DGKH: variants seen among roughly 807,000 people sequenced by gnomAD.
DGKH encodes the protein DAG kinase eta.
Under a neutral mutation model 159.3 loss-of-function variants are expected in DGKH, and 90 were observed. The observed-to-expected ratio is 0.57, with a 90% confidence interval of 0.48 to 0.67. DGKH has a LOEUF of 0.67. Among genes scored for constraint, DGKH ranks in the 30% least tolerant of loss-of-function variants. The pLI is 0.00. For missense variants in DGKH, 1,181 were observed against 1,506.1 expected (o/e 0.78, Z 3.57); for synonymous variants, 536 against 553.8 (o/e 0.97, Z 0.45).
At chr13:42,184,672 G>A (rs1956862088) in intron 13 of DGKH, among the ~76,000 whole-genome samples, 1 of 151,810 alleles carries the variant, frequency 6.6e-6, no homozygotes, top group African/African-American at 2.4e-5. Flanking sequence ...GACCAGCTGG[G>A]GCGACACAGA....
intron 1 of DGKH, among the ~76,000 whole-genome samples, chr13:42,065,733 G>A (rs1177700701): frequency 6.6e-6 from 1 of 151,992 alleles, no homozygotes; most frequent in East Asian, 1.9e-4. Context: ...GAGGAAGGAG[G>A]CCGGGGTCCC....
rs777053643 is a variant in DGKH, at chr13:42,206,083, C to T, written c.2538C>T (p.Ala846=). ...YIPLPSLQGI[A]VLNIPSYAGG... ...CTCTTCCCAGCTTGCAAGGCATAGC[C>T]GTGTTGAACATTCCCAGCTATGCTG... Residue 846 remains alanine (A), a synonymous_variant, in exon 21 of 30, where the codon GCC becomes GCT. Coordinates refer to ENST00000337343, the MANE Select transcript of DGKH (RefSeq NM_178009.5). The T allele has an allele frequency of 8.2e-6, 12 of 1,457,710 alleles. No individual in the cohort carries two copies. Among genetic ancestry groups the T allele is most frequent in the South Asian group, 6.3e-5 (4 of 63,742 alleles). 90.3% of individuals were successfully genotyped at this position (1,457,710 alleles called of 1,614,324 possible).
chr13:42,071,009 C>T, intron 1 of DGKH: 5 of 1,296,900 alleles, frequency 3.9e-6, no homozygotes, highest in Non-Finnish European at 5.6e-6. Flanking sequence ...TAATTGCCTC[C>T]ACAACCCAGT....
At chr13:42,174,195 G>T (rs74627469) in intron 12 of DGKH, 51 bp downstream of exon 12, 1 of 1,194,430 alleles carries the variant, frequency 8.4e-7, no homozygotes, top group Non-Finnish European at 1.2e-6. Context: ...GATATCTTGA[G>T]AAAAAAAAAA....
At position 42,214,572 on chromosome 13, in the gene DGKH, G is replaced by A. The variant is rs1157114886; in HGVS notation, c.3080G>A (p.Cys1027Tyr). Residue 1027 changes from cysteine to tyrosine, a missense_variant, in exon 25 of 30, where the codon TGC (cysteine) becomes TAC (tyrosine). Around this residue, in one of 5 missense-constraint regions of DGKH, gnomAD observed 335 missense variants for 495.2 expected, o/e 0.68. Transcript: ENST00000337343. ...GAACTGGCCCATGCTGTGAATGCCTGCTCCCATGCCCTGAATAAAGCCAAC... is the reference window on the plus strand; with the variant it reads ...GAACTGGCCCATGCTGTGAATGCCTACTCCCATGCCCTGAATAAAGCCAAC... Reference protein sequence around the residue: ...EQELAHAVNACSHALNKANPR... With the variant: ...EQELAHAVNAYSHALNKANPR... 6.2e-7 allele frequency: 1 copy of A among 1,613,584 alleles called. No homozygotes were observed. Among genetic ancestry groups the A allele is most frequent in the Admixed American group, 1.7e-5 (1 of 59,976 alleles).
In DGKH at chr13:42,168,780, A is replaced by G; in HGVS notation, c.1329A>G (p.Leu443=). ...YDDDTQLPQI[L]EKLERASTKM... ...ATGACACCCAACTTCCTCAGATCCTAGAGAAACTGGAACGAGCCAGTACCA... is the reference window on the plus strand; with the variant it reads ...ATGACACCCAACTTCCTCAGATCCTGGAGAAACTGGAACGAGCCAGTACCA... The change falls in exon 11 of 30, where the codon CTA becomes CTG. Residue 443 remains leucine, a synonymous_variant. Coordinates refer to ENST00000337343, the MANE Select transcript of DGKH (RefSeq NM_178009.5). The G allele has an allele frequency of 6.2e-7, 1 of 1,614,100 alleles. No homozygotes were observed. Among genetic ancestry groups the G allele is most frequent in the Non-Finnish European group, 8.5e-7 (1 of 1,179,974 alleles).
intron 1 of DGKH, among the ~76,000 whole-genome samples, chr13:42,054,075 C>T (rs1313745508): frequency 1.3e-5 from 2 of 152,138 alleles, no homozygotes; most frequent in Non-Finnish European, 2.9e-5. Flanking sequence ...CACTGCCTTA[C>T]AAAGTACAAT....
chr13:42,141,148 C>G (rs2137886561), intron 3 of DGKH, among the ~76,000 whole-genome samples: 2 of 149,562 alleles, frequency 1.3e-5, no homozygotes, highest in Non-Finnish European at 3.0e-5. Context: ...TGAGAACATG[C>G]AGTGTTTGGT....
At chr13:42,228,576 T>G (rs1396640823) in intron 29 of DGKH, among the ~76,000 whole-genome samples, 1 of 151,624 alleles carries the variant, frequency 6.6e-6, no homozygotes, top group Non-Finnish European at 1.5e-5. Flanking sequence ...CATCATTTTT[T>G]TCTCAGAGAT....
chr13:42,048,312 G>T (rs1365299740), upstream of DGKH, among the ~76,000 whole-genome samples: 3 of 146,422 alleles, frequency 2.0e-5, no homozygotes, highest in African/African-American at 7.9e-5. This position sits in a 1 kb window ranked among gnomAD's most constrained non-coding sequence, Gnocchi z 6.7. Context: ...GATCGGCGTT[G>T]CCCCTGCTGT....
At chr13:42,143,525 G>A (rs1955630538) in intron 3 of DGKH, among the ~76,000 whole-genome samples, 1 of 152,118 alleles carries the variant, frequency 6.6e-6, no homozygotes. Flanking sequence ...AATCCGTCTG[G>A]TCCTGGACTT....
At position 42,229,105 on chromosome 13, in the gene DGKH, G is replaced by A. The variant is rs1461685369; in HGVS notation, c.3580G>A (p.Gly1194Arg). ...TTCTGTTCTTTTATTTTAGGATCTG[G>A]GGATACCGAAAGTGGGTCATGTGAA... ...HLERRDLKDL[G>R]IPKVGHVKRI... The change falls in exon 30 of 30, where the codon GGG becomes AGG. Residue 1194 changes from glycine (G) to arginine (R), a missense_variant. Gly to Arg is a moderately radical substitution (Grantham distance 125). This residue lies in a region of DGKH where 84 missense variants were observed against 77.9 expected (regional missense o/e 1.08). Coordinates refer to ENST00000337343, the MANE Select transcript of DGKH (RefSeq NM_178009.5). 1 of 1,608,802 alleles carries A rather than the reference G, an allele frequency of 6.2e-7. No homozygotes were observed. The highest frequency in any genetic ancestry group is 1.1e-5 in the South Asian group (1 of 89,852).
chr13:42,196,560 G>A (rs11617266), intron 17 of DGKH, among the ~76,000 whole-genome samples: 29,839 of 152,142 alleles, frequency 0.2, 3,183 homozygotes, highest in Non-Finnish European at 0.25. Flanking sequence ...TATGAAATGC[G>A]CAGAATAGTC....
In DGKH at chr13:42,256,185, C is replaced by G. The variant is rs886984491; in HGVS notation, n.4128-99C>G. On this transcript the variant is annotated intron_variant and non_coding_transcript_variant, in intron 30 of 30. Transcript: ENST00000498255. Reference sequence around the variant, plus strand: ...GTCATGGGGAATCATGTTGCTGTAACAGTTGGAGGCAGCAGTGGACATTTT... The same window carrying G: ...GTCATGGGGAATCATGTTGCTGTAAGAGTTGGAGGCAGCAGTGGACATTTT... 3.4e-5 allele frequency: 42 copies of G among 1,218,294 alleles called. No homozygotes were observed. In the African/African-American group the frequency reaches 5.5e-4, roughly 16 times the overall value. 75.5% of individuals were successfully genotyped at this position (1,218,294 alleles called of 1,614,324 possible).
chr13:42,110,128 C>T (rs1954834127), intron 1 of DGKH, among the ~76,000 whole-genome samples: 1 of 152,118 alleles, frequency 6.6e-6, no homozygotes, highest in South Asian at 2.1e-4. Context: ...AGAAAATAAG[C>T]AGATCTTTTG....
chr13:42,209,819 A>T (rs1451007593), intron 23 of DGKH, among the ~76,000 whole-genome samples: 1 of 152,176 alleles, frequency 6.6e-6, no homozygotes, highest in East Asian at 1.9e-4. Flanking sequence ...ATTATTAACT[A>T]AAGTCCATAG....
At position 42,209,423 on chromosome 13, in the gene DGKH, A is replaced by G; in HGVS notation, c.2808A>G (p.Lys936=). The G allele has an allele frequency of 6.2e-7, 1 of 1,613,470 alleles. No individual in the cohort carries two copies. Among genetic ancestry groups the G allele is most frequent in the South Asian group, 1.1e-5 (1 of 90,948 alleles). Residue 936 remains lysine (K), a synonymous_variant, in exon 23 of 30, where the codon AAA becomes AAG. Coordinates refer to ENST00000337343, the MANE Select transcript of DGKH (RefSeq NM_178009.5). ...EAWVQPPGII[K]IVHKNRAQML... ...GGGTTCAGCCTCCAGGGATTATCAA[A>G]ATTGTGCACAAAAACAGAGCACAAA...
At position 42,239,603 on chromosome 13, in the gene DGKH, C is replaced by G. The variant is rs149997121; in HGVS notation, c.*10415C>G. ...TGCTGCCTTTCAGGCCTTCATCATA[C>G]AAACCCTCACCATTTTTCACTCCTG... On this transcript the variant is annotated 3_prime_UTR_variant, in exon 30 of 30. Transcript: ENST00000337343. The G allele has an allele frequency of 1.3e-5, 2 of 152,688 alleles. No individual in the cohort carries two copies. Among genetic ancestry groups the G allele is most frequent in the East Asian group, 3.9e-4 (2 of 5,188 alleles). The allele number at this position is 152,688 out of a possible 1,614,324, so 9.5% of individuals were successfully genotyped here. A position where few individuals can be genotyped will look rare whatever the true frequency, so the allele number is the denominator to read the frequency against.
chr13:42,185,118 G>A (rs561669797), intron 13 of DGKH, among the ~76,000 whole-genome samples: 6 of 151,998 alleles, frequency 3.9e-5, no homozygotes, highest in Non-Finnish European at 7.4e-5. Flanking sequence ...TTTCTGGTTG[G>A]TAGGACTTTG....
Sources: allele counts gnomAD v4.1 joint callset (sites outside exome capture counted in the v4.1 genomes callset), GRCh38; gene constraint gnomAD v4.1.1; regional missense constraint gnomAD v4.1.1; non-coding constraint Gnocchi (gnomAD v3.1); transcripts MANE v1.5; gene names NCBI Gene and HGNC (gene_info 2026-07-23, HGNC 2026-07-21).